The following HTR4 variants were observed in gnomAD, a reference collection of about 807,000 sequenced individuals.
HTR4 encodes 5-hydroxytryptamine (serotonin) receptor 4, G protein-coupled.
Under a neutral mutation model 36.8 loss-of-function variants are expected in HTR4, and 16 were observed. The observed-to-expected ratio is 0.43, with a 90% confidence interval of 0.29 to 0.66. HTR4 has a LOEUF of 0.66. HTR4 is among the 30% of genes least tolerant of loss of function. The pLI, the probability that HTR4 is intolerant of heterozygous loss-of-function variation, is 0.13. For synonymous variants in HTR4, 189 were observed against 185.1 expected, an observed-to-expected ratio of 1.02 and a Z score of -0.17; for missense variants, 438 against 490.9, an observed-to-expected ratio of 0.89 and a Z score of 1.02.
At chr5:148,460,685 T>C (rs551795776) in intron 5 of HTR4, among the ~76,000 whole-genome samples, 1 of 152,238 alleles carries the variant, frequency 6.6e-6, no homozygotes, top group South Asian at 2.1e-4. Flanking sequence ...TAGGCCAGAT[T>C]CTCAGTTTTA....
chr5:148,600,698 A>G (rs1334563456), intron 2 of HTR4, among the ~76,000 whole-genome samples: 1 of 151,952 alleles, frequency 6.6e-6, no homozygotes, highest in Non-Finnish European at 1.5e-5. Context: ...GCTGACAACA[A>G]AAACCAGTAA....
chr5:148,596,556 G>C (rs895744252), intron 2 of HTR4, among the ~76,000 whole-genome samples: 1 of 152,038 alleles, frequency 6.6e-6, no homozygotes, highest in South Asian at 2.1e-4. Context: ...GAGCTGATCA[G>C]TGCATATTAG....
chr5:148,481,503 C>A, downstream of HTR4: 3 of 1,425,866 alleles, frequency 2.1e-6, no homozygotes, highest in Non-Finnish European at 2.8e-6. Context: ...ACTTTCTCCC[C>A]AACAGAATTA....
chr5:148,617,748 T>C (rs911484020), intron 2 of HTR4, among the ~76,000 whole-genome samples: 3 of 152,156 alleles, frequency 2.0e-5, no homozygotes, highest in Non-Finnish European at 4.4e-5. Context: ...ATTACAGGCA[T>C]GAGCCACGGC....
At chr5:148,557,258 G>A (rs1352458997) in intron 2 of HTR4, among the ~76,000 whole-genome samples, 1 of 152,126 alleles carries the variant, frequency 6.6e-6, no homozygotes, top group Non-Finnish European at 1.5e-5. Flanking sequence ...ATGGTGGCTG[G>A]GGAGATGGAG....
intron 2 of HTR4, among the ~76,000 whole-genome samples, chr5:148,565,224 T>C (rs1373745509): frequency 6.6e-6 from 1 of 152,170 alleles, no homozygotes; most frequent in Non-Finnish European, 1.5e-5. Flanking sequence ...TTCTGTTCAT[T>C]TCAAATAGAC....
chr5:148,489,397 A>G (rs1471086377), intron 6 of HTR4, among the ~76,000 whole-genome samples: 1 of 152,164 alleles, frequency 6.6e-6, no homozygotes, highest in Non-Finnish European at 1.5e-5. Flanking sequence ...AGGCATTCTC[A>G]ACCCCTAAAC....
intron 5 of HTR4, among the ~76,000 whole-genome samples, chr5:148,520,033 C>T (rs1393160202): frequency 6.6e-6 from 1 of 152,134 alleles, no homozygotes; most frequent in Non-Finnish European, 1.5e-5. Context: ...ACACATCAAA[C>T]AAGGTTATGC....
At chr5:148,572,628 A>G (rs1320621527) in intron 2 of HTR4, among the ~76,000 whole-genome samples, 2 of 152,094 alleles carry the variant, frequency 1.3e-5, no homozygotes, top group Non-Finnish European at 2.9e-5. Context: ...ACTCACTCCA[A>G]TGTTCAGTCC....
chr5:148,538,432 T>G (rs560889530), intron 4 of HTR4, among the ~76,000 whole-genome samples: 1 of 152,268 alleles, frequency 6.6e-6, no homozygotes, highest in South Asian at 2.1e-4. Context: ...GAAGTTCAAC[T>G]ATGCTTTTTT....
At chr5:148,634,803 A>G (rs141597433) in intron 2 of HTR4, among the ~76,000 whole-genome samples, 39 of 152,258 alleles carry the variant, frequency 2.6e-4, no homozygotes, top group African/African-American at 8.4e-4. Context: ...ATTTTCTTCT[A>G]TCTTCAGAGC....
chr5:148,580,348 C>T (rs759187913), intron 2 of HTR4, among the ~76,000 whole-genome samples: 17 of 152,002 alleles, frequency 1.1e-4, no homozygotes, highest in African/African-American at 1.7e-4. Flanking sequence ...ACACTCATGT[C>T]GCCATCACTA....
At chr5:148,535,531 A>G (rs1758772772) in intron 4 of HTR4, among the ~76,000 whole-genome samples, 1 of 152,248 alleles carries the variant, frequency 6.6e-6, no homozygotes, top group Non-Finnish European at 1.5e-5. Flanking sequence ...GCCAGTATAA[A>G]AAAAGAACAT....
At chr5:148,502,312 G>A (rs1415773555) in intron 6 of HTR4, among the ~76,000 whole-genome samples, 3 of 152,180 alleles carry the variant, frequency 2.0e-5, no homozygotes, top group East Asian at 1.9e-4. Flanking sequence ...CCAGAGGAAC[G>A]ATCAGGCAGC....
chr5:148,484,226 T>G, intron 6 of HTR4: 2 of 1,594,712 alleles, frequency 1.3e-6, no homozygotes, highest in Non-Finnish European at 1.7e-6. Context: ...AGGTAAAAAA[T>G]GTTGAGCAAG....
At chr5:148,575,792 G>A (rs943389345) in intron 2 of HTR4, among the ~76,000 whole-genome samples, 16 of 151,766 alleles carry the variant, frequency 1.1e-4, no homozygotes, top group Non-Finnish European at 2.2e-4. Flanking sequence ...ATGAGTTTCT[G>A]AAAAGCAAGC....
chr5:148,613,321 G>C (rs1227302669), intron 2 of HTR4, among the ~76,000 whole-genome samples: 2 of 124,732 alleles, frequency 1.6e-5, no homozygotes, highest in Non-Finnish European at 3.4e-5. Flanking sequence ...ACATCAAAAA[G>C]CTTATCCACC....
chr5:148,462,083 A>G (rs956570695), intron 5 of HTR4: 3 of 152,068 alleles, frequency 2.0e-5, no homozygotes, highest in African/African-American at 7.2e-5. Context: ...ATCTAAAATC[A>G]GTGATTTAAG....
At chr5:148,551,762 CA>C (rs968766763) in intron 2 of HTR4, among the ~76,000 whole-genome samples, 7 of 151,946 alleles carry the variant, frequency 4.6e-5, no homozygotes, top group Admixed American at 2.0e-4. Flanking sequence ...AAACAAATTG[CA>C]AAAAAATCTC....
Sources: gnomAD v4.1 joint callset for allele counts (sites outside exome capture counted in the v4.1 genomes callset) on GRCh38, gnomAD v4.1.1 for gene constraint, MANE v1.5 for transcripts, NCBI Gene and HGNC (gene_info 2026-07-23, HGNC 2026-07-21) for gene names.